The following FABP12 variants were observed in gnomAD, a reference collection of about 807,000 sequenced individuals.
FABP12 encodes fatty acid-binding protein 12.
Under a neutral mutation model 13.7 loss-of-function variants are expected in FABP12, and 19 were observed. The observed-to-expected ratio is 1.39, with a 90% CI of 0.97 to 2.04. FABP12 has a LOEUF of 2.04. Ranked by LOEUF, FABP12 falls within the 30% of genes most tolerant of loss-of-function variation. The pLI, the probability that FABP12 is intolerant of heterozygous loss-of-function variation, is 0.00. For synonymous variants in FABP12, 61 were observed against 57.0 expected (o/e 1.07, Z -0.32); for missense variants, 182 against 164.2 (o/e 1.11, Z -0.59).
Position 81,527,010 on chromosome 8 carries a change from GCTAA to G in FABP12, c.348+6_348+9del. ...GAAGGTGGGAAGAAAGCGAGGATGG[GCTAA>G]CTCACCACCACCATTTTCCCATCCA... On this transcript the variant is annotated splice_donor_region_variant and intron_variant, in intron 4 of 4. Transcript: ENST00000360464. The G allele has an allele frequency of 6.4e-7, 1 of 1,556,660 alleles. No homozygotes were observed. The highest frequency in any genetic ancestry group is 8.8e-7 in the Non-Finnish European group (1 of 1,134,714).
chr8:81,533,589 C>G (rs1442346877), intron 1 of FABP12, among the ~76,000 whole-genome samples: 1 of 152,206 alleles, frequency 6.6e-6, no homozygotes, highest in Non-Finnish European at 1.5e-5. Context: ...CTCAAGTCCC[C>G]CCCACATCCC....
intron 1 of FABP12, among the ~76,000 whole-genome samples, chr8:81,555,915 A>G (rs917763655): frequency 2.0e-5 from 3 of 152,192 alleles, no homozygotes; most frequent in Admixed American, 6.5e-5. Context: ...AGACAAATTT[A>G]ATTTGTGGAA....
chr8:81,581,099 G>C (rs1268877192), intron 1 of FABP12, among the ~76,000 whole-genome samples: 2 of 152,118 alleles, frequency 1.3e-5, no homozygotes, highest in Non-Finnish European at 2.9e-5. Context: ...AACAGGACGG[G>C]GAAAAGATTG....
At position 81,541,971 on chromosome 8, in the gene FABP12, G is replaced by T. The variant is rs1004446933; in HGVS notation, c.-184-2228C>A. Among the ~76,000 whole-genome samples, 16 of 142,838 alleles carry T rather than the reference G, an allele frequency of 1.1e-4. No individual in the cohort carries two copies. In the East Asian group the frequency reaches 1.4e-3, roughly 13 times the overall value. The allele number at this position is 142,838 out of a possible 152,430, so 93.7% of individuals were successfully genotyped here. ...AAGAAAATCTTTCAACAGGATCTGA[G>T]CCTAGAGGTAATGTCTAGGAGCCAC... On this transcript the variant is annotated intron_variant, in intron 1 of 5. Transcript: ENST00000692030.
chr8:81,540,273 C>G (rs958915910), intron 1 of FABP12, among the ~76,000 whole-genome samples: 1 of 152,200 alleles, frequency 6.6e-6, no homozygotes, highest in Non-Finnish European at 1.5e-5. Context: ...GATGCATGCT[C>G]AAATATGAGA....
intron 1 of FABP12, among the ~76,000 whole-genome samples, chr8:81,548,479 G>A (rs1241209976): frequency 6.6e-6 from 1 of 152,182 alleles, no homozygotes; most frequent in Non-Finnish European, 1.5e-5. Flanking sequence ...ATGAGATCAT[G>A]CAAGTATAAC....
At chr8:81,575,715 TTTGTCTC>T (rs1257986145) in intron 1 of FABP12, among the ~76,000 whole-genome samples, 1 of 152,240 alleles carries the variant, frequency 6.6e-6, no homozygotes, top group Non-Finnish European at 1.5e-5. Flanking sequence ...AATATCCCTC[TTTGTCTC>T]TTTTAACTGC....
chr8:81,564,085 G>A (rs1809774483), intron 1 of FABP12, among the ~76,000 whole-genome samples: 1 of 152,058 alleles, frequency 6.6e-6, no homozygotes, highest in South Asian at 2.1e-4. Context: ...CAATATGTCT[G>A]GCAGAAGACT....
intron 1 of FABP12, among the ~76,000 whole-genome samples, chr8:81,553,500 T>C (rs1445638507): frequency 6.6e-6 from 1 of 152,192 alleles, no homozygotes; most frequent in Non-Finnish European, 1.5e-5. Flanking sequence ...AATTTAATGG[T>C]AATTATTATC....
intron 1 of FABP12, among the ~76,000 whole-genome samples, chr8:81,589,078 G>T (rs991735242): frequency 1.3e-5 from 2 of 152,158 alleles, no homozygotes; most frequent in African/African-American, 4.8e-5. Context: ...CTTTCAAGAT[G>T]CTGAAGGAAC....
chr8:81,576,009 G>A (rs765077784), intron 1 of FABP12, among the ~76,000 whole-genome samples: 1 of 152,150 alleles, frequency 6.6e-6, no homozygotes, highest in Non-Finnish European at 1.5e-5. Context: ...CTAATCAGAA[G>A]CCTTTATTTA....
chr8:81,554,452 C>A (rs536426207), intron 1 of FABP12, among the ~76,000 whole-genome samples: 2 of 152,322 alleles, frequency 1.3e-5, no homozygotes, highest in South Asian at 4.1e-4. Flanking sequence ...GAACTCAGAT[C>A]TGATTCCAAA....
upstream of FABP12, among the ~76,000 whole-genome samples, chr8:81,534,115 T>C (rs898664152): frequency 2.6e-5 from 4 of 151,934 alleles, no homozygotes; most frequent in Admixed American, 2.6e-4. Context: ...ACACACTCTC[T>C]CTCTCACACA....
Position 81,529,324 on chromosome 8 carries a change from C to G in FABP12, c.246+114G>C, listed in dbSNP as rs146638353. The G allele has an allele frequency of 1.5e-3, 1,572 of 1,059,938 alleles. 5 individuals are homozygous for G. The highest frequency in any genetic ancestry group is 2.6e-3 in the Middle Eastern group (13 of 4,946). 65.7% of individuals were successfully genotyped at this position (1,059,938 alleles called of 1,614,324 possible). On this transcript the variant is annotated intron_variant, in intron 3 of 4. Coordinates refer to ENST00000360464, the Ensembl canonical transcript of FABP12. ...GACATCCTTAGACCTATGTTTTAGA[C>G]AAAAGTTCCTCTTAAGGACTTTAGA...
intron 1 of FABP12, 48 bp from the exon 2 acceptor site, chr8:81,531,438 G>A: frequency 1.6e-6 from 1 of 621,852 alleles, no homozygotes; most frequent in Non-Finnish European, 2.8e-6. Flanking sequence ...AGAAAAGTTA[G>A]GAAATAAAAT....
intron 1 of FABP12, among the ~76,000 whole-genome samples, chr8:81,557,892 T>C (rs1377924443): frequency 1.3e-5 from 2 of 152,198 alleles, no homozygotes; most frequent in Non-Finnish European, 2.9e-5. Context: ...TTTTTCTCTG[T>C]GTTTAGTCCT....
chr8:81,565,734 C>G (rs1050414941), intron 1 of FABP12, among the ~76,000 whole-genome samples: 3 of 151,808 alleles, frequency 2.0e-5, no homozygotes, highest in Non-Finnish European at 4.4e-5. Context: ...AGAAAAACTT[C>G]AAATATACAA....
At chr8:81,547,718 T>A (rs1474887688) in intron 1 of FABP12, among the ~76,000 whole-genome samples, 1 of 152,226 alleles carries the variant, frequency 6.6e-6, no homozygotes, top group Admixed American at 6.5e-5. Context: ...TCACGTGTAT[T>A]AAGTTTTTGT....
At chr8:81,531,413 G>A in intron 1 of FABP12, 23 bp from the exon 2 acceptor site, 1 of 753,050 alleles carries the variant, frequency 1.3e-6, no homozygotes, top group Admixed American at 3.1e-5. Context: ...ACAATTTTGG[G>A]TAGAGAATGA....
Sources: gnomAD v4.1 joint callset for allele counts (sites outside exome capture counted in the v4.1 genomes callset) on GRCh38, gnomAD v4.1.1 for gene constraint, MANE v1.5 for transcripts, NCBI Gene and HGNC (gene_info 2026-07-23, HGNC 2026-07-21) for gene names.